Variants in APH1B observed in about 807,000 individuals in gnomAD.
APH1B encodes the protein gamma-secretase subunit APH-1B.
Under a neutral mutation model 28.2 loss-of-function variants are expected in APH1B, and 27 were observed. The ratio of observed to expected loss-of-function variants is 0.96; its 90% confidence interval spans 0.70 to 1.32. The LOEUF (loss-of-function observed/expected upper bound fraction) is 1.32, where lower values mean the gene tolerates loss of function less well. Ranked by LOEUF, APH1B falls within the 40% of genes most tolerant of loss-of-function variation. APH1B has a pLI of 0.00. For synonymous variants in APH1B, 141 were observed against 124.6 expected (o/e 1.13, Z -0.88); for missense variants, 305 against 313.6 (o/e 0.97, Z 0.21).
chr15:63,287,238 T>C (rs1183522926), intron 3 of APH1B, 186 bp from the exon 4 acceptor site: 1 of 670,106 alleles, frequency 1.5e-6, no homozygotes. Context: ...TCCTTTCCTC[T>C]TCCCGCTTCC....
chr15:63,277,893 G>C (rs1423084390), intron 1 of APH1B, 157 bp downstream of exon 1: 1 of 720,202 alleles, frequency 1.4e-6, no homozygotes, highest in Non-Finnish European at 2.2e-6. Context: ...GCTCCCCAAA[G>C]GCGCCTCGCC....
At chr15:63,279,381 T>A (rs777611726) in intron 2 of APH1B, 50 bp downstream of exon 2, 2 of 1,528,380 alleles carry the variant, frequency 1.3e-6, no homozygotes, top group Non-Finnish European at 1.8e-6. Flanking sequence ...AGATTTTAGT[T>A]ATGATTTGGT....
rs200671857 is a variant in APH1B at position 63,305,691 on chromosome 15, C to A, written c.684C>A (p.Phe228Leu). 9.5e-5 allele frequency: 153 copies of A among 1,614,222 alleles called. 1 individual carries two copies. In the South Asian group the frequency reaches 1.4e-3, roughly 15 times the overall value. ...IILVLMGTWA[F>L]LAAGGSCRSL... is the part of the protein sequence containing the mutation. The stretch of plus-strand genomic sequence containing the variant: ...TGGTGCTCATGGGCACCTGGGCATT[C>A]TTAGCTGCGGGAGGCAGCTGCCGAA... The change falls in exon 6 of 6, where the codon TTC (phenylalanine) becomes TTA (leucine). Residue 228 changes from phenylalanine to leucine, a missense_variant. By Grantham distance (22) the Phe-to-Leu change is conservative. Transcript: ENST00000261879.
At chr15:63,303,719 C>T (rs1595765635) in intron 5 of APH1B, among the ~76,000 whole-genome samples, 1 of 152,170 alleles carries the variant, frequency 6.6e-6, no homozygotes, top group East Asian at 1.9e-4. Context: ...CTTCGAACTC[C>T]TGGGCTCAAG....
chr15:63,286,372 T>G (rs1462161686), intron 2 of APH1B, among the ~76,000 whole-genome samples, 186 bp from the exon 3 acceptor site: 1 of 152,226 alleles, frequency 6.6e-6, no homozygotes, highest in Admixed American at 6.5e-5. Context: ...GTTGGCAATT[T>G]TGGTTGATGT....
At chr15:63,305,580 T>A in intron 5 of APH1B, 34 bp from the exon 6 acceptor site, 2 of 1,606,026 alleles carry the variant, frequency 1.2e-6, no homozygotes, top group Non-Finnish European at 1.7e-6. Context: ...AAGCTTGCTG[T>A]TATTACCCAA....
chr15:63,303,383 C>T (rs1179791059), intron 5 of APH1B, among the ~76,000 whole-genome samples: 5 of 152,204 alleles, frequency 3.3e-5, no homozygotes, highest in Non-Finnish European at 5.9e-5. Flanking sequence ...TCCTATTGCT[C>T]AGCATGTTTG....
At chr15:63,297,289 C>G (rs146341556) in intron 4 of APH1B, among the ~76,000 whole-genome samples, 1 of 152,250 alleles carries the variant, frequency 6.6e-6, no homozygotes, top group African/African-American at 2.4e-5. Flanking sequence ...CTTTGGGAAG[C>G]TGAGGTGGGC....
chr15:63,298,257 C>T (rs370019667), intron 4 of APH1B, among the ~76,000 whole-genome samples: 55 of 152,254 alleles, frequency 3.6e-4, no homozygotes, highest in African/African-American at 1.3e-3. Context: ...GTCACCCAGG[C>T]TGGAGTGCAG....
intron 4 of APH1B, among the ~76,000 whole-genome samples, chr15:63,294,821 A>G (rs867451208): frequency 6.6e-6 from 1 of 152,208 alleles, no homozygotes; most frequent in Non-Finnish European, 1.5e-5. Context: ...GTGGTAAGCT[A>G]CATTTTCATC....
chr15:63,288,916 GCTCT>G (rs777723717), intron 4 of APH1B, among the ~76,000 whole-genome samples: 10 of 152,132 alleles, frequency 6.6e-5, no homozygotes, highest in African/African-American at 1.9e-4. Context: ...AGTTAACACG[GCTCT>G]CTCTCCCTGC....
intron 2 of APH1B, among the ~76,000 whole-genome samples, chr15:63,285,047 G>A (rs2038431148): frequency 6.6e-6 from 1 of 152,192 alleles, no homozygotes; most frequent in Non-Finnish European, 1.5e-5. Context: ...GTTGGTTACT[G>A]CTTCAGAGAA....
chr15:63,292,598 CG>C (rs2038517224), intron 4 of APH1B, among the ~76,000 whole-genome samples: 1 of 151,964 alleles, frequency 6.6e-6, no homozygotes, highest in African/African-American at 2.4e-5. Context: ...TTATGTTGCC[CG>C]GGCTAGTCCC....
chr15:63,302,699 A>G (rs1487097134), intron 5 of APH1B, among the ~76,000 whole-genome samples: 3 of 152,160 alleles, frequency 2.0e-5, no homozygotes, highest in Admixed American at 6.5e-5. Context: ...GTTTATTTGC[A>G]GTGATTTGTC....
chr15:63,303,506 T>C (rs533572923), intron 5 of APH1B, among the ~76,000 whole-genome samples: 1 of 152,330 alleles, frequency 6.6e-6, no homozygotes, highest in Admixed American at 6.5e-5. Flanking sequence ...TGATGTTGTT[T>C]CTAGTTTGAG....
chr15:63,278,131 G>T (rs1245669353), intron 1 of APH1B, among the ~76,000 whole-genome samples: 1 of 151,958 alleles, frequency 6.6e-6, no homozygotes, highest in Non-Finnish European at 1.5e-5. Flanking sequence ...AGTAGTGCGC[G>T]ACTTCCGCCT....
At chr15:63,279,501 A>G (rs2038362711) in intron 2 of APH1B, among the ~76,000 whole-genome samples, 170 bp downstream of exon 2, 1 of 152,172 alleles carries the variant, frequency 6.6e-6, no homozygotes, top group Non-Finnish European at 1.5e-5. Context: ...TATCTTGTGG[A>G]AATTTCTTAT....
chr15:63,305,982 C>T lies in APH1B; in HGVS notation c.*201C>T. 1.6e-6 allele frequency: 1 copy of T among 634,808 alleles called. No homozygotes were observed. 39.3% of individuals were successfully genotyped at this position (634,808 alleles called of 1,614,324 possible). On this transcript the variant is annotated 3_prime_UTR_variant, in exon 6 of 6. Transcript: ENST00000261879. ...GTGTGCGTCCTGGCTGCACGAGAAT[C>T]ACCTGGGACAGTGTAAAGCCGACTG...
In APH1B at chr15:63,279,312, G is replaced by T; in HGVS notation, c.265G>T (p.Ala89Ser). The T allele has an allele frequency of 6.2e-7, 1 of 1,604,214 alleles. No individual in the cohort carries two copies. The highest frequency in any genetic ancestry group is 8.5e-7 in the Non-Finnish European group (1 of 1,172,470). Residue 89 changes from alanine to serine, a missense_variant, in exon 2 of 6, where the codon GCA (alanine) becomes TCA (serine). Ala to Ser is a moderately conservative substitution (Grantham distance 99, BLOSUM62 1). Transcript: ENST00000261879. Reference sequence around the variant, plus strand: ...CTATATCCAAGAAATGTTCCGATTTGCATATTATAAACTCTTAAAGTAAGT... The same window carrying T: ...CTATATCCAAGAAATGTTCCGATTTTCATATTATAAACTCTTAAAGTAAGT... ...SVYIQEMFRF[A>S]YYKLLKKASE... is the part of the protein sequence containing the mutation.
Sources: allele counts gnomAD v4.1 joint callset (sites outside exome capture counted in the v4.1 genomes callset), GRCh38; gene constraint gnomAD v4.1.1; transcripts MANE v1.5; gene names NCBI Gene and HGNC (gene_info 2026-07-23, HGNC 2026-07-21).